L3MBTL3: variants seen among roughly 807,000 people sequenced by gnomAD.
The protein encoded by L3MBTL3 is lethal(3)malignant brain tumor-like protein 3.
L3MBTL3 carries 27 observed loss-of-function variants against 102.3 expected under a neutral mutation model. The observed-to-expected ratio is 0.26, with a 90% CI of 0.19 to 0.36. The LOEUF (loss-of-function observed/expected upper bound fraction) is 0.36. L3MBTL3 is among the 10% of genes least tolerant of loss of function. The pLI, the probability that L3MBTL3 is intolerant of heterozygous loss-of-function variation, is 1.00. For missense variants in L3MBTL3, 798 were observed against 955.3 expected (o/e 0.84, Z 2.17); for synonymous variants, 340 against 320.9 (o/e 1.06, Z -0.64).
chr6:130,085,011 G>A (rs951973283), intron 15 of L3MBTL3, among the ~76,000 whole-genome samples: 1 of 151,990 alleles, frequency 6.6e-6, no homozygotes, highest in Admixed American at 6.6e-5. Context: ...TGTATTTTTT[G>A]TAGAGAAGAG....
intron 10 of L3MBTL3, among the ~76,000 whole-genome samples, chr6:130,060,419 T>C (rs1403863266): frequency 6.6e-6 from 1 of 152,076 alleles, no homozygotes; most frequent in Non-Finnish European, 1.5e-5. Flanking sequence ...AGTGTCTGTC[T>C]GATGCCATAG....
At chr6:130,086,395 A>G (rs766462492) in intron 16 of L3MBTL3, 145 bp downstream of exon 16, 10 of 640,102 alleles carry the variant, frequency 1.6e-5, no homozygotes, top group Non-Finnish European at 2.8e-5. Context: ...ATCTTTGTAA[A>G]TCAGCATTCT....
intron 2 of L3MBTL3, among the ~76,000 whole-genome samples, chr6:130,024,737 T>A (rs1040778200): frequency 6.6e-6 from 1 of 152,152 alleles, no homozygotes; most frequent in African/African-American, 2.4e-5. Context: ...TGAGCTCTTA[T>A]GGTGTTGAAC....
chr6:130,056,704 A>G lies in L3MBTL3; in HGVS notation c.668-702A>G, dbSNP rs150834623. 1.3e-3 allele frequency among the ~76,000 whole-genome samples: 199 copies of G among 152,184 alleles called. 1 individual carries two copies. The highest frequency in any genetic ancestry group is 4.5e-3 in the African/African-American group (186 of 41,524). ...TTCCCCTGCCCTTCTTTTTCACCTC[A>G]GATGAACTTCCAGGCCCCTGGCTCT... On this transcript the variant is annotated intron_variant, in intron 8 of 22. Coordinates refer to ENST00000361794, the MANE Select transcript of L3MBTL3 (RefSeq NM_032438.4).
chr6:130,105,671 C>G (rs1321096246), intron 19 of L3MBTL3, among the ~76,000 whole-genome samples: 1 of 150,732 alleles, frequency 6.6e-6, no homozygotes, highest in Non-Finnish European at 1.5e-5. Flanking sequence ...GTTATTAACT[C>G]ATGTAGACAT....
chr6:130,031,362 G>T (rs150173261), intron 2 of L3MBTL3, among the ~76,000 whole-genome samples: 234 of 152,224 alleles, frequency 1.5e-3, no homozygotes, highest in African/African-American at 5.2e-3. Context: ...ATTTTGTATA[G>T]CTCAGTGCCT....
intron 13 of L3MBTL3, among the ~76,000 whole-genome samples, chr6:130,077,400 T>A (rs868136676): frequency 1.3e-5 from 2 of 152,336 alleles, no homozygotes; most frequent in Middle Eastern, 3.4e-3. Context: ...CTTGGTTTTT[T>A]TTCATATTCC....
intron 2 of L3MBTL3, among the ~76,000 whole-genome samples, chr6:130,028,558 G>C (rs1779506439): frequency 6.6e-6 from 1 of 152,138 alleles, no homozygotes; most frequent in African/African-American, 2.4e-5. Flanking sequence ...TAAAATCTAT[G>C]AACTTAGGTC....
intron 19 of L3MBTL3, among the ~76,000 whole-genome samples, chr6:130,112,596 GAGGCTGCCTACC>G (rs1251852694): frequency 1.3e-5 from 2 of 152,122 alleles, no homozygotes; most frequent in African/African-American, 4.8e-5. Context: ...AGAAATGGAT[GAGGCTGCCTACC>G]AGTCACCAGA....
chr6:130,087,855 C>T (rs1452177556), intron 16 of L3MBTL3, among the ~76,000 whole-genome samples: 2 of 150,090 alleles, frequency 1.3e-5, no homozygotes, highest in East Asian at 2.0e-4. Flanking sequence ...TTTTTTTTTA[C>T]AAGCATACAT....
intron 13 of L3MBTL3, among the ~76,000 whole-genome samples, chr6:130,078,209 C>T (rs539919412): frequency 2.4e-4 from 37 of 152,262 alleles, no homozygotes; most frequent in Non-Finnish European, 4.1e-4. Context: ...TTCCTATGTA[C>T]ACACAGTCTA....
intron 9 of L3MBTL3, among the ~76,000 whole-genome samples, chr6:130,058,435 C>T (rs868151436): frequency 9.4e-5 from 14 of 149,566 alleles, no homozygotes; most frequent in African/African-American, 3.2e-4. Context: ...GCCAGGAGTT[C>T]GAGATCAGTC....
chr6:130,090,463 C>T (rs1375057443), intron 16 of L3MBTL3, among the ~76,000 whole-genome samples: 2 of 152,130 alleles, frequency 1.3e-5, no homozygotes, highest in Non-Finnish European at 2.9e-5. Flanking sequence ...CATTCTTAAC[C>T]AGCTGTAGGA....
At chr6:130,067,201 C>A (rs1782316539) in intron 11 of L3MBTL3, among the ~76,000 whole-genome samples, 1 of 152,040 alleles carries the variant, frequency 6.6e-6, no homozygotes, top group Non-Finnish European at 1.5e-5. Flanking sequence ...GCAGCCACTG[C>A]CTAGCAGGTT....
At chr6:130,138,447 C>T (rs551606831) in intron 22 of L3MBTL3, 2 of 152,412 alleles carry the variant, frequency 1.3e-5, no homozygotes, top group Admixed American at 1.3e-4. Flanking sequence ...CTCTTTGGGT[C>T]TTTACGTTGC....
chr6:130,078,567 A>G lies in L3MBTL3; in HGVS notation c.1254A>G (p.Ala418=), dbSNP rs367995555. The change falls in exon 14 of 23, where the codon GCA becomes GCG. Residue 418 remains alanine (A), a synonymous_variant. Transcript: ENST00000361794. ...WDESYDYWCE[A]SSPHIHPVGW... ...TTTGTGTAACTTTCAGGTGTGAAGC[A>G]TCAAGTCCACATATTCATCCAGTTG... 8.7e-6 allele frequency: 14 copies of G among 1,609,870 alleles called. No homozygotes were observed. The African/African-American group carries it at 1.6e-4, about 18-fold the overall frequency.
chr6:130,125,904 G>GCA (rs200036197), intron 20 of L3MBTL3, among the ~76,000 whole-genome samples: 3 of 151,654 alleles, frequency 2.0e-5, no homozygotes, highest in Non-Finnish European at 2.9e-5. Flanking sequence ...AGACACGCAT[G>GCA]CACACACACA....
In L3MBTL3 at chr6:130,068,542, CTCTTA is replaced by C. The variant is rs138020234; in HGVS notation, c.1092+127_1092+131del. ...TTTTATCGCCTTGGTAAATAGAGTA[CTCTTA>C]TCTTAATTAAAGTTTAAAATTAGCT... On this transcript the variant is annotated intron_variant, in intron 12 of 22. Transcript: ENST00000361794. 5,205 of 558,382 alleles carry C rather than the reference CTCTTA, an allele frequency of 9.3e-3. 241 individuals carry two copies. In the East Asian group the frequency reaches 0.11, roughly 11 times the overall value. The allele number at this position is 558,382 out of a possible 1,614,324, so 34.6% of individuals were successfully genotyped here. A position where few individuals can be genotyped will look rare whatever the true frequency, so the allele number is the denominator to read the frequency against.
intron 13 of L3MBTL3, among the ~76,000 whole-genome samples, chr6:130,076,215 C>G (rs1461173375): frequency 6.6e-6 from 1 of 152,182 alleles, no homozygotes. Context: ...ACCACTCTTG[C>G]TTAATGGAGA....
Sources: allele counts gnomAD v4.1 joint callset (sites outside exome capture counted in the v4.1 genomes callset), GRCh38; gene constraint gnomAD v4.1.1; transcripts MANE v1.5; gene names NCBI Gene and HGNC (gene_info 2026-07-23, HGNC 2026-07-21).